SCAPER: variants seen among roughly 807,000 people sequenced by gnomAD.
SCAPER encodes the protein S phase cyclin A-associated protein in the endoplasmic reticulum.
SCAPER carries 98 observed loss-of-function variants against 182.2 expected under a neutral mutation model. The observed-to-expected ratio is 0.54, with a 90% CI of 0.46 to 0.64. SCAPER has a LOEUF of 0.64. SCAPER is among the 30% of genes least tolerant of loss of function. The pLI, the probability that SCAPER is intolerant of heterozygous loss-of-function variation, is 0.00. For synonymous variants in SCAPER, 605 were observed against 564.6 expected (o/e 1.07, Z -1.01); for missense variants, 1,432 against 1,690.0 (o/e 0.85, Z 2.68).
chr15:76,429,785 G>A (rs2046736070), intron 26 of SCAPER, among the ~76,000 whole-genome samples: 1 of 152,198 alleles, frequency 6.6e-6, no homozygotes, highest in Non-Finnish European at 1.5e-5. Flanking sequence ...CCCATTTTCT[G>A]AGGAGATATT....
rs2051852013 is a variant in SCAPER at position 76,488,221 on chromosome 15, T to G, written c.2954+16638A>C. Among the ~76,000 whole-genome samples, 4 of 152,344 alleles carry G rather than the reference T, an allele frequency of 2.6e-5. No individual in the cohort carries two copies. The South Asian group carries it at 8.3e-4, about 32-fold the overall frequency. On this transcript the variant is annotated intron_variant, in intron 24 of 31. Transcript: ENST00000563290. ...AATTCTAGACTAAGGGATTTTTTTCTTTAATATCTTTTATATAACAGTTCT... is the reference window on the plus strand; with the variant it reads ...AATTCTAGACTAAGGGATTTTTTTCGTTAATATCTTTTATATAACAGTTCT...
At chr15:76,623,975 C>T (rs552481796) in intron 21 of SCAPER, among the ~76,000 whole-genome samples, 2 of 152,300 alleles carry the variant, frequency 1.3e-5, no homozygotes, top group Non-Finnish European at 2.9e-5. Flanking sequence ...AAGCTGGAAG[C>T]ATTTCCCTGA....
intron 2 of SCAPER, among the ~76,000 whole-genome samples, chr15:76,882,395 G>GA (rs970928917): frequency 3.8e-4 from 51 of 134,888 alleles, no homozygotes; most frequent in Admixed American, 1.5e-3. Context: ...GTCTCCAGAA[G>GA]AAAAAAAAAA....
intron 29 of SCAPER, among the ~76,000 whole-genome samples, chr15:76,366,911 A>G (rs2041854514): frequency 6.6e-6 from 1 of 152,196 alleles, no homozygotes; most frequent in South Asian, 2.1e-4. Flanking sequence ...CAGCTGTGTC[A>G]AAACAGTGTT....
intron 10 of SCAPER, among the ~76,000 whole-genome samples, chr15:76,769,365 C>T (rs2063313540): frequency 6.8e-6 from 1 of 146,904 alleles, no homozygotes; most frequent in Admixed American, 7.0e-5. Flanking sequence ...ATGGCGTGAA[C>T]CTGGGAGGTG....
At chr15:76,840,222 A>T (rs905300200) in intron 5 of SCAPER, among the ~76,000 whole-genome samples, 11 of 152,034 alleles carry the variant, frequency 7.2e-5, no homozygotes, top group African/African-American at 2.7e-4. Context: ...GTTCAAGACT[A>T]GCCTGGGCAA....
chr15:76,848,616 G>C (rs552701863), intron 4 of SCAPER, among the ~76,000 whole-genome samples: 2 of 152,248 alleles, frequency 1.3e-5, no homozygotes, highest in African/African-American at 4.8e-5. Flanking sequence ...TTATAGGCGT[G>C]AGCCACCATG....
At chr15:76,372,694 TACTC>T (rs1252817255) in intron 29 of SCAPER, among the ~76,000 whole-genome samples, 2 of 152,286 alleles carry the variant, frequency 1.3e-5, no homozygotes, top group East Asian at 1.9e-4. Context: ...ATATACAAAT[TACTC>T]ACCTCTTTCA....
intron 2 of SCAPER, among the ~76,000 whole-genome samples, chr15:76,875,356 G>A (rs947791825): frequency 6.6e-6 from 1 of 152,146 alleles, no homozygotes; most frequent in South Asian, 2.1e-4. Context: ...GCACACAAAC[G>A]TAGGCCAGGC....
intron 24 of SCAPER, among the ~76,000 whole-genome samples, chr15:76,501,622 T>C (rs2041126869): frequency 6.6e-6 from 1 of 152,192 alleles, no homozygotes; most frequent in South Asian, 2.1e-4. Context: ...TCCTCTGCTA[T>C]TTATCACTGA....
intron 9 of SCAPER, among the ~76,000 whole-genome samples, chr15:76,772,280 A>G (rs1205061354): frequency 6.6e-6 from 1 of 152,038 alleles, no homozygotes; most frequent in East Asian, 1.9e-4. Context: ...AAATCTAGTC[A>G]CAAGTATGAG....
chr15:76,901,427 G>C (rs1451261118), intron 1 of SCAPER, among the ~76,000 whole-genome samples: 1 of 152,080 alleles, frequency 6.6e-6, no homozygotes, highest in Non-Finnish European at 1.5e-5. Flanking sequence ...TGTATTAAAA[G>C]CAGGCCTAAT....
chr15:76,846,805 A>G (rs2070133804), intron 4 of SCAPER, among the ~76,000 whole-genome samples: 1 of 152,170 alleles, frequency 6.6e-6, no homozygotes, highest in Non-Finnish European at 1.5e-5. Flanking sequence ...GGTTCCTCAA[A>G]AAAACAAAAA....
At chr15:76,823,816 A>G (rs1489399408) in intron 5 of SCAPER, among the ~76,000 whole-genome samples, 1 of 152,072 alleles carries the variant, frequency 6.6e-6, no homozygotes, top group Non-Finnish European at 1.5e-5. Context: ...TTTTAATCAA[A>G]TTCATTTGAC....
At chr15:76,509,986 T>C (rs1002808025) in intron 23 of SCAPER, among the ~76,000 whole-genome samples, 3 of 152,150 alleles carry the variant, frequency 2.0e-5, no homozygotes, top group Non-Finnish European at 4.4e-5. Context: ...AAGGACACCA[T>C]ATTCAACAAA....
At chr15:76,631,417 G>A (rs189597104) in intron 21 of SCAPER, among the ~76,000 whole-genome samples, 38 of 152,314 alleles carry the variant, frequency 2.5e-4, no homozygotes, top group African/African-American at 7.9e-4. Context: ...TGTTTTTGTA[G>A]TGGCTGGTAA....
At chr15:76,616,746 A>T (rs1187755926) in intron 22 of SCAPER, among the ~76,000 whole-genome samples, 1 of 152,086 alleles carries the variant, frequency 6.6e-6, no homozygotes, top group African/African-American at 2.4e-5. Context: ...GTTGATATAT[A>T]TAGTTTTTAG....
chr15:76,774,867 G>T lies in SCAPER; in HGVS notation c.1023C>A (p.Ala341=). The change falls in exon 9 of 32, where the codon GCC becomes GCA. Residue 341 remains alanine (A), a synonymous_variant. Transcript: ENST00000563290. ...DSLHSCDHPL[A]EKTQFTVSTL... ...CAGAATGTACTACCTGGGTTTTTTC[G>T]GCAAGAGGATGGTCACAAGAGTGTA... The T allele has an allele frequency of 6.2e-7, 1 of 1,607,710 alleles. No individual in the cohort carries two copies. Among genetic ancestry groups the T allele is most frequent in the South Asian group, 1.1e-5 (1 of 89,918 alleles).
At chr15:76,889,894 A>G (rs1164950379) in intron 1 of SCAPER, among the ~76,000 whole-genome samples, 1 of 152,206 alleles carries the variant, frequency 6.6e-6, no homozygotes, top group African/African-American at 2.4e-5. Context: ...CGTTGCACTT[A>G]TTCTAAAATT....
Sources: allele counts gnomAD v4.1 joint callset (sites outside exome capture counted in the v4.1 genomes callset), GRCh38; gene constraint gnomAD v4.1.1; transcripts MANE v1.5; gene names NCBI Gene and HGNC (gene_info 2026-07-23, HGNC 2026-07-21).